FBXW11: variants seen among roughly 807,000 people sequenced by gnomAD.
The protein encoded by FBXW11 is F-box and WD repeat domain containing 11, also known as F-box/WD repeat-containing protein 11.
A neutral mutation model predicts 77.6 loss-of-function variants in FBXW11; 19 were observed. The observed-to-expected ratio is 0.24, with a 90% confidence interval of 0.17 to 0.36. The LOEUF (loss-of-function observed/expected upper bound fraction) is 0.36. FBXW11 is among the 10% of genes least tolerant of loss of function. The pLI, the probability that FBXW11 is intolerant of heterozygous loss-of-function variation, is 1.00. For missense variants in FBXW11, 334 were observed against 704.2 expected (o/e 0.47, Z 5.95); for synonymous variants, 235 against 249.4 (o/e 0.94, Z 0.54).
At chr5:171,864,494 T>C (rs116254067) in intron 13 of FBXW11, among the ~76,000 whole-genome samples, 243 of 152,360 alleles carry the variant, frequency 1.6e-3, no homozygotes, top group Non-Finnish European at 2.9e-3. Context: ...ATTTTATATT[T>C]AGCATAATCT....
At chr5:171,974,591 T>C (rs919770728) in intron 1 of FBXW11, among the ~76,000 whole-genome samples, 14 of 152,026 alleles carry the variant, frequency 9.2e-5, no homozygotes, top group African/African-American at 3.4e-4. Context: ...GCATAACCTA[T>C]GCCTACAGTT....
chr5:171,888,292 C>A (rs1188537646), intron 7 of FBXW11, among the ~76,000 whole-genome samples: 1 of 152,142 alleles, frequency 6.6e-6, no homozygotes, highest in Non-Finnish European at 1.5e-5. Flanking sequence ...AATAAAAGAA[C>A]CCAAACAACA....
chr5:171,993,126 C>T (rs549546239), intron 1 of FBXW11, among the ~76,000 whole-genome samples: 1 of 151,740 alleles, frequency 6.6e-6, no homozygotes, highest in East Asian at 2.0e-4. Context: ...CAGGGAAAAA[C>T]CACCATCCCT....
At chr5:171,985,631 G>C (rs137915367) in intron 1 of FBXW11, among the ~76,000 whole-genome samples, 1 of 152,156 alleles carries the variant, frequency 6.6e-6, no homozygotes, top group African/African-American at 2.4e-5. Flanking sequence ...AGCTGGGCAT[G>C]GTGGCATGCT....
intron 13 of FBXW11, among the ~76,000 whole-genome samples, chr5:171,864,714 T>C (rs191118958): frequency 2.0e-5 from 3 of 152,350 alleles, no homozygotes; most frequent in Non-Finnish European, 2.9e-5. Context: ...TTTTTGACTA[T>C]GGCTTTGAGT....
At chr5:171,909,694 T>C (rs1760760660) in intron 4 of FBXW11, among the ~76,000 whole-genome samples, 1 of 152,228 alleles carries the variant, frequency 6.6e-6, no homozygotes, top group Admixed American at 6.5e-5. Flanking sequence ...GATGTGTGTG[T>C]GTGTGTGTGT....
At chr5:171,918,493 T>A (rs766605302) in intron 2 of FBXW11, among the ~76,000 whole-genome samples, 1 of 151,932 alleles carries the variant, frequency 6.6e-6, no homozygotes, top group Non-Finnish European at 1.5e-5. Flanking sequence ...AATCTGAGAG[T>A]TGAAATCCTC....
At chr5:171,975,830 A>G (rs1764799320) in intron 1 of FBXW11, among the ~76,000 whole-genome samples, 1 of 152,214 alleles carries the variant, frequency 6.6e-6, no homozygotes, top group South Asian at 2.1e-4. Flanking sequence ...CAAAAATCAT[A>G]AAGAATAGCA....
rs575869733 is a variant in FBXW11, at chr5:171,905,367, T to C, written c.436+5205A>G. Among the ~76,000 whole-genome samples the C allele has an allele frequency of 9.8e-5, 15 of 152,300 alleles. 1 individual carries two copies. In the South Asian group the frequency reaches 3.1e-3, roughly 32 times the overall value. ...TCTGAGATAGGTACTCTACATACCC[T>C]CATTTTACATAGAGGGAACCTCCCA... On this transcript the variant is annotated intron_variant, in intron 4 of 13. Transcript: ENST00000517395.
At chr5:171,922,906 C>T (rs920112598) in intron 2 of FBXW11, among the ~76,000 whole-genome samples, 8 of 150,502 alleles carry the variant, frequency 5.3e-5, no homozygotes, top group African/African-American at 1.2e-4. Context: ...CGTGTGTGTG[C>T]GTGTGTGTGT....
chr5:171,930,242 G>A (rs1196741539), intron 2 of FBXW11, among the ~76,000 whole-genome samples: 1 of 152,198 alleles, frequency 6.6e-6, no homozygotes, highest in African/African-American at 2.4e-5. Flanking sequence ...AGAAAGGAGT[G>A]TACAAACAAA....
chr5:171,949,763 T>C (rs1259631729), intron 2 of FBXW11, among the ~76,000 whole-genome samples: 1 of 152,180 alleles, frequency 6.6e-6, no homozygotes, highest in African/African-American at 2.4e-5. Flanking sequence ...AGCAATTAAA[T>C]GTACATTATA....
intron 1 of FBXW11, among the ~76,000 whole-genome samples, chr5:171,999,400 AAT>A (rs982270902): frequency 0.023 from 3,296 of 141,488 alleles, 127 homozygotes; most frequent in African/African-American, 0.093. Context: ...AAAAAAAAAA[AAT>A]ATATATATAT....
chr5:171,976,777 TC>T (rs1017761030), intron 1 of FBXW11, among the ~76,000 whole-genome samples: 65 of 152,032 alleles, frequency 4.3e-4, no homozygotes, highest in African/African-American at 1.5e-3. Flanking sequence ...CCGGGTGTGG[TC>T]GTTCACGCCT....
At chr5:171,991,866 G>T (rs1765755077) in intron 1 of FBXW11, among the ~76,000 whole-genome samples, 1 of 152,160 alleles carries the variant, frequency 6.6e-6, no homozygotes, top group African/African-American at 2.4e-5. Flanking sequence ...TGTAATCCCA[G>T]CACTTTGGGA....
At chr5:171,979,297 A>C (rs1480715492) in intron 1 of FBXW11, among the ~76,000 whole-genome samples, 1 of 152,150 alleles carries the variant, frequency 6.6e-6, no homozygotes, top group Non-Finnish European at 1.5e-5. Flanking sequence ...TGGGAAACAA[A>C]GACCCTCTCT....
rs765399996 is a variant in FBXW11 at position 171,904,716 on chromosome 5, C to T, written c.437-4616G>A. ...CCTCCCGAGTAGCTGGGACTACAGG[C>T]GCACACCACCATGCCCAGGTAATTT... is the stretch of plus-strand genomic sequence containing the variant. On this transcript the variant is annotated intron_variant, in intron 4 of 13. Transcript: ENST00000517395. This position sits in a 1 kb window ranked among gnomAD's most constrained non-coding sequence, Gnocchi z 4.0. 3.3e-5 allele frequency among the ~76,000 whole-genome samples: 5 copies of T among 152,006 alleles called. No individual in the cohort carries two copies. Among genetic ancestry groups the T allele is most frequent in the Non-Finnish European group, 5.9e-5 (4 of 67,954 alleles).
At chr5:171,999,120 G>C (rs1161563410) in intron 1 of FBXW11, among the ~76,000 whole-genome samples, 1 of 152,018 alleles carries the variant, frequency 6.6e-6, no homozygotes, top group Non-Finnish European at 1.5e-5. Flanking sequence ...CAAATAATGA[G>C]TTCTCAAGTT....
chr5:171,922,444 A>G (rs751535110), intron 2 of FBXW11, among the ~76,000 whole-genome samples: 8 of 152,250 alleles, frequency 5.3e-5, no homozygotes, highest in Non-Finnish European at 1.0e-4. Context: ...TAAAATCACT[A>G]GAAAGCCAGA....
Sources: allele counts gnomAD v4.1 joint callset (sites outside exome capture counted in the v4.1 genomes callset), GRCh38; gene constraint gnomAD v4.1.1; non-coding constraint Gnocchi (gnomAD v3.1); transcripts MANE v1.5; gene names NCBI Gene and HGNC (gene_info 2026-07-23, HGNC 2026-07-21).